Variants in CDAN1 observed in about 807,000 individuals in gnomAD.
The protein encoded by CDAN1 is codanin-1.
Under a neutral mutation model 139.8 loss-of-function variants are expected in CDAN1, and 107 were observed. That is an observed-to-expected ratio of 0.77 (90% CI 0.65 to 0.90). The LOEUF is 0.90. Ranked by LOEUF, CDAN1 falls within the 40% of genes least tolerant of loss-of-function variation. CDAN1 has a pLI of 0.00. For synonymous variants in CDAN1, 776 were observed against 660.6 expected (o/e 1.17, Z -2.68); for missense variants, 1,667 against 1,575.7 (o/e 1.06, Z -0.98).
intron 20 of CDAN1, among the ~76,000 whole-genome samples, 191 bp from the exon 21 acceptor site, chr15:42,728,458 G>A (rs1378198743): frequency 1.4e-5 from 2 of 143,360 alleles, no homozygotes; most frequent in East Asian, 2.3e-4. Context: ...CATCACACAC[G>A]CTCCCAAACC....
At chr15:42,731,547 C>T in intron 11 of CDAN1, 73 bp downstream of exon 11, 1 of 1,531,074 alleles carries the variant, frequency 6.5e-7, no homozygotes, top group African/African-American at 1.4e-5. Context: ...GACTGGAGAA[C>T]TATTTACCCT....
In CDAN1 at chr15:42,728,568, G is replaced by C. The variant is rs138273028; in HGVS notation, c.2804+84C>G. The C allele has an allele frequency of 2.2e-5, 34 of 1,563,814 alleles. No individual in the cohort carries two copies. The East Asian group carries it at 7.6e-4, about 35-fold the overall frequency. ...AAAAGGAGGCATGAAGAGAAGAAAG[G>C]GAAAAAAGAGTAAGTGTGAAGGAGG... On this transcript the variant is annotated intron_variant, in intron 20 of 27. Coordinates refer to ENST00000356231, the MANE Select transcript of CDAN1 (RefSeq NM_138477.4).
Position 42,729,341 on chromosome 15 carries a change from G to C in CDAN1, c.2429C>G (p.Ala810Gly). Residue 810 changes from alanine to glycine, a missense_variant, in exon 18 of 28, where the codon GCT (alanine) becomes GGT (glycine). This residue lies in a region of CDAN1 where 936 missense variants were observed against 844.1 expected (regional missense o/e 1.11). Transcript: ENST00000356231. ...PYIGELRKLL[A>G]SWVSGSSGRS... ...TCCACTACTGCCTGACACCCACGAA[G>C]CGAGCAGTTTCCGGAGCTCTCCTGT... The C allele has an allele frequency of 6.2e-7, 1 of 1,614,158 alleles. No individual in the cohort carries two copies. Among genetic ancestry groups the C allele is most frequent in the Non-Finnish European group, 8.5e-7 (1 of 1,180,016 alleles).
rs1566988944 is a variant in CDAN1, at chr15:42,735,577, G to A, written c.876C>T (p.Asp292=). The A allele has an allele frequency of 6.2e-7, 1 of 1,614,226 alleles. No homozygotes were observed. The highest frequency in any genetic ancestry group is 8.5e-7 in the Non-Finnish European group (1 of 1,180,042). ...GCTGGCGGGAAGACACTCTGGCAGG[G>A]TCTGCAGGTTCATCTGTGAGGCTTC... ...RTGSLTDEPA[D]PARVSSRQRL... The change falls in exon 4 of 28, where the codon GAC becomes GAT. Residue 292 remains aspartate, a synonymous_variant. Transcript: ENST00000356231.
rs2061573522 is a variant in CDAN1 at position 42,729,135 on chromosome 15, A to C, written c.2542-9T>G. 6.2e-7 allele frequency: 1 copy of C among 1,613,646 alleles called. No individual in the cohort carries two copies. The highest frequency in any genetic ancestry group is 8.5e-7 in the Non-Finnish European group (1 of 1,179,826). On this transcript the variant is annotated splice_polypyrimidine_tract_variant and intron_variant, in intron 18 of 27. Transcript: ENST00000356231. ...GCCTGGGCGAGCTGTGCCTGGGGGG[A>C]GGAGGGAGAGGCAGCAAGGCTTCCT... is the stretch of plus-strand genomic sequence containing the variant.
At chr15:42,727,873 A>G (rs1383180396) in intron 22 of CDAN1, 82 bp downstream of exon 22, 1 of 1,601,902 alleles carries the variant, frequency 6.2e-7, no homozygotes, top group African/African-American at 1.3e-5. Flanking sequence ...TCTCAGTCCC[A>G]TCGCCCACAA....
chr15:42,725,819 T>C, intron 25 of CDAN1, 149 bp from the exon 26 acceptor site: 1 of 858,788 alleles, frequency 1.2e-6, no homozygotes, highest in Non-Finnish European at 1.8e-6. Flanking sequence ...CCCATCTCTA[T>C]TAAAAATACC....
intron 14 of CDAN1, among the ~76,000 whole-genome samples, 170 bp from the exon 15 acceptor site, chr15:42,730,385 G>A (rs1017094382): frequency 4.6e-5 from 7 of 152,204 alleles, no homozygotes; most frequent in Admixed American, 1.3e-4. Context: ...GTCTCTCAGC[G>A]GGGCCACCTC....
chr15:42,727,406 G>A (rs1338979674), intron 23 of CDAN1, among the ~76,000 whole-genome samples: 2 of 152,172 alleles, frequency 1.3e-5, no homozygotes, highest in East Asian at 3.8e-4. Context: ...TTCCCCTTTT[G>A]GATGATTAAA....
At chr15:42,736,850 C>A in intron 1 of CDAN1, 70 bp from the exon 2 acceptor site, 1 of 1,455,024 alleles carries the variant, frequency 6.9e-7, no homozygotes, top group Non-Finnish European at 9.0e-7. Flanking sequence ...GCAGCCGGGG[C>A]CGTAGGGCGC....
chr15:42,725,975 CAAAAAAAAAAAAAA>C (rs886492399), intron 25 of CDAN1, 108 bp downstream of exon 25: 23 of 354,184 alleles, frequency 6.5e-5, no homozygotes, highest in Middle Eastern at 7.3e-4. Context: ...GATTCCGTCT[CAAAAAAAAAAAAAA>C]AAAAAAAAAA....
intron 24 of CDAN1, 48 bp downstream of exon 24, chr15:42,726,262 C>T (rs1310725322): frequency 1.3e-6 from 2 of 1,595,608 alleles, no homozygotes; most frequent in East Asian, 4.5e-5. Context: ...TCAGGTCTCA[C>T]ACAAGGACAC....
chr15:42,727,809 G>A, intron 22 of CDAN1, 40 bp from the exon 23 acceptor site: 1 of 1,610,806 alleles, frequency 6.2e-7, no homozygotes, highest in Non-Finnish European at 8.5e-7. Flanking sequence ...ATCACGGGAG[G>A]GCCCTGCACA....
chr15:42,736,973 C>A, intron 1 of CDAN1, 40 bp downstream of exon 1: 1 of 1,528,524 alleles, frequency 6.5e-7, no homozygotes, highest in Non-Finnish European at 8.8e-7. Context: ...CTGCGGGAAC[C>A]GGCTTCGAGT....
rs746877296 is a variant in CDAN1, at chr15:42,731,800, C to A, written c.1559G>T (p.Gly520Val). Residue 520 changes from glycine to valine, a missense_variant, in exon 11 of 28, where the codon GGG becomes GTG. Gly to Val is a moderately radical substitution (Grantham distance 109). Transcript: ENST00000356231. ...LQMCQSPGGA[G>V]GTVLGEAPDV... ...TGGGGCCTCGCCCAAGACGGTGCCC[C>A]CAGCACCACCAGGGCTCTGACACAT... 1.2e-6 allele frequency: 2 copies of A among 1,614,004 alleles called. No individual in the cohort carries two copies. Among genetic ancestry groups the A allele is most frequent in the Non-Finnish European group, 1.7e-6 (2 of 1,179,948 alleles).
Position 42,734,062 on chromosome 15 carries a change from G to C in CDAN1, c.1258-15C>G, listed in dbSNP as rs749928080. ...ACCAGAGAGACCTAAAATACAGCAG[G>C]AACGTTAGGAACTGCAGGGTCATGC... is the stretch of plus-strand genomic sequence containing the variant. On this transcript the variant is annotated splice_polypyrimidine_tract_variant and intron_variant, in intron 7 of 27. Coordinates refer to ENST00000356231, the MANE Select transcript of CDAN1 (RefSeq NM_138477.4). 9 of 1,595,972 alleles carry C rather than the reference G, an allele frequency of 5.6e-6. No individual in the cohort carries two copies. The highest frequency in any genetic ancestry group is 7.7e-6 in the Non-Finnish European group (9 of 1,163,394).
chr15:42,731,556 C>G (rs994864922), intron 11 of CDAN1, 64 bp downstream of exon 11: 14 of 1,569,140 alleles, frequency 8.9e-6, no homozygotes, highest in Non-Finnish European at 1.2e-5. Context: ...ACTATTTACC[C>G]TTTTGGGAAG....
rs2061581934 is a variant in CDAN1, at chr15:42,729,620, G to T, written c.2355C>A (p.Asp785Glu). The change falls in exon 17 of 28, where the codon GAC (aspartate) becomes GAA (glutamate). Residue 785 changes from aspartate to glutamate, a missense_variant and splice_region_variant. This residue lies in a region of CDAN1 where 936 missense variants were observed against 844.1 expected (regional missense o/e 1.11). Transcript: ENST00000356231. ...GCTGCTGGTCCACCACAGGCGCATT[G>T]TCCTGGGGAGAAAAGGTTGGTGTCA... is the stretch of plus-strand genomic sequence containing the variant. ...VDTVAPEHGLDNAPVVDQQLL... is the reference protein window; with the variant it reads ...VDTVAPEHGLENAPVVDQQLL... 6.2e-7 allele frequency: 1 copy of T among 1,614,000 alleles called. No homozygotes were observed. The highest frequency in any genetic ancestry group is 8.5e-7 in the Non-Finnish European group (1 of 1,180,000).
In CDAN1 at chr15:42,725,136, C is replaced by T; in HGVS notation, c.3558+8G>A. 1.2e-6 allele frequency: 2 copies of T among 1,606,744 alleles called. No homozygotes were observed. Among genetic ancestry groups the T allele is most frequent in the South Asian group, 1.1e-5 (1 of 90,922 alleles). On this transcript the variant is annotated splice_region_variant and intron_variant, in intron 27 of 27. Transcript: ENST00000356231. ...CTCTCTCCACCTAAAAGACAGGAGA[C>T]TCCTTACCCCTGGCCACTGGGCCTG...
Sources: allele counts gnomAD v4.1 joint callset (sites outside exome capture counted in the v4.1 genomes callset), GRCh38; gene constraint gnomAD v4.1.1; regional missense constraint gnomAD v4.1.1; transcripts MANE v1.5; gene names NCBI Gene and HGNC (gene_info 2026-07-23, HGNC 2026-07-21).